TMEM163: variants seen among roughly 807,000 people sequenced by gnomAD.
The protein encoded by TMEM163 is transmembrane protein 163.
In TMEM163, 17 loss-of-function variants were observed where a neutral mutation model predicts 29.3. The ratio of observed to expected loss-of-function variants is 0.58; its 90% confidence interval spans 0.40 to 0.87. The LOEUF is 0.87. TMEM163 is among the 40% of genes least tolerant of loss of function. The pLI, the probability that TMEM163 is intolerant of heterozygous loss-of-function variation, is 0.00. For synonymous variants in TMEM163, 157 were observed against 160.6 expected (o/e 0.98, Z 0.17); for missense variants, 303 against 381.5 (o/e 0.79, Z 1.71).
intron 5 of TMEM163, among the ~76,000 whole-genome samples, chr2:134,485,439 G>T (rs148409787): frequency 4.1e-4 from 62 of 152,302 alleles, no homozygotes; most frequent in Admixed American, 1.4e-3. Context: ...ACCATAAGTA[G>T]ATTTAGAAAC....
intron 2 of TMEM163, among the ~76,000 whole-genome samples, chr2:134,709,142 TTC>T (rs1684875270): frequency 6.6e-6 from 1 of 152,208 alleles, no homozygotes; most frequent in Admixed American, 6.5e-5. Context: ...GAAACAGAAC[TTC>T]TGTTCTCTTT....
At chr2:134,679,788 C>T (rs1295049574) in intron 2 of TMEM163, among the ~76,000 whole-genome samples, 1 of 152,122 alleles carries the variant, frequency 6.6e-6, no homozygotes. Flanking sequence ...ACATCCCAGA[C>T]CTTCGTCGCC....
chr2:134,588,808 G>A lies in TMEM163; in HGVS notation c.323-36717C>T, dbSNP rs138882118. Among the ~76,000 whole-genome samples, 461 of 152,250 alleles carry A rather than the reference G, an allele frequency of 3.0e-3. 1 individual carries two copies. The highest frequency in any genetic ancestry group is 6.8e-3 in the Middle Eastern group (2 of 292). ...TTTGATCATGTCAGAATCAAGAAGG[G>A]CTACATGGAAGGATGGCAAGTAAAC... On this transcript the variant is annotated intron_variant, in intron 2 of 7. Transcript: ENST00000281924.
intron 4 of TMEM163, among the ~76,000 whole-genome samples, chr2:134,544,891 GCA>G (rs1377980278): frequency 6.6e-6 from 1 of 152,152 alleles, no homozygotes; most frequent in African/African-American, 2.4e-5. Flanking sequence ...ATATCGCACA[GCA>G]CAGATACAGA....
intron 2 of TMEM163, among the ~76,000 whole-genome samples, chr2:134,680,180 G>A (rs984983359): frequency 1.3e-5 from 2 of 152,092 alleles, no homozygotes; most frequent in Non-Finnish European, 2.9e-5. Flanking sequence ...TCTACATAAT[G>A]TTTTGGAGCA....
At chr2:134,634,748 A>G (rs1395453093) in intron 2 of TMEM163, among the ~76,000 whole-genome samples, 4 of 152,250 alleles carry the variant, frequency 2.6e-5, no homozygotes, top group African/African-American at 9.6e-5. Context: ...GAACTACTCA[A>G]ATCTACCCTT....
chr2:134,552,733 C>T (rs1289037683), intron 2 of TMEM163, among the ~76,000 whole-genome samples: 10 of 145,272 alleles, frequency 6.9e-5, no homozygotes, highest in Non-Finnish European at 1.5e-4. Flanking sequence ...GCTGTCTCGG[C>T]TCACTGCAAC....
chr2:134,479,912 A>T (rs1687009496), intron 5 of TMEM163, among the ~76,000 whole-genome samples: 1 of 152,242 alleles, frequency 6.6e-6, no homozygotes, highest in Non-Finnish European at 1.5e-5. Flanking sequence ...CAATTAGGGG[A>T]GAGCTGACAA....
At chr2:134,631,505 C>T (rs1371629605) in intron 2 of TMEM163, among the ~76,000 whole-genome samples, 1 of 152,094 alleles carries the variant, frequency 6.6e-6, no homozygotes, top group Non-Finnish European at 1.5e-5. Context: ...CTGGGGGGTA[C>T]TGCTGCTCTA....
chr2:134,665,598 C>T (rs1467862652), intron 2 of TMEM163, among the ~76,000 whole-genome samples: 1 of 152,152 alleles, frequency 6.6e-6, no homozygotes, highest in Non-Finnish European at 1.5e-5. Context: ...CCCCTGGAAA[C>T]TCTGATGATG....
At chr2:134,517,577 G>A (rs1242803884) in intron 4 of TMEM163, among the ~76,000 whole-genome samples, 1 of 152,084 alleles carries the variant, frequency 6.6e-6, no homozygotes, top group Admixed American at 6.5e-5. Flanking sequence ...AACTGGAATA[G>A]CAATATTGCT....
chr2:134,692,476 C>G (rs760471881), intron 2 of TMEM163, among the ~76,000 whole-genome samples: 1 of 152,104 alleles, frequency 6.6e-6, no homozygotes, highest in Non-Finnish European at 1.5e-5. Flanking sequence ...GCTTGGGCTG[C>G]CATAACAAAA....
At chr2:134,506,452 G>A (rs1260615356) in intron 4 of TMEM163, among the ~76,000 whole-genome samples, 3 of 152,176 alleles carry the variant, frequency 2.0e-5, no homozygotes, top group Non-Finnish European at 4.4e-5. Context: ...GCCACTCACC[G>A]GACCCAGGTT....
chr2:134,600,069 G>A (rs1326327660), intron 2 of TMEM163, among the ~76,000 whole-genome samples: 1 of 152,060 alleles, frequency 6.6e-6, no homozygotes, highest in Non-Finnish European at 1.5e-5. Flanking sequence ...GTTCCCTTCT[G>A]CATCCCCAGA....
At position 134,674,486 on chromosome 2, in the gene TMEM163, GGCGC is replaced by G. The variant is rs752979552; in HGVS notation, c.322+38710_322+38713del. Among the ~76,000 whole-genome samples, 189 of 91,606 alleles carry G rather than the reference GGCGC, an allele frequency of 2.1e-3. 2 individuals carry two copies. Among genetic ancestry groups the G allele is most frequent in the African/African-American group, 7.3e-3 (141 of 19,368 alleles). The allele number at this position is 91,606 out of a possible 152,430, so 60.1% of individuals were successfully genotyped here. On this transcript the variant is annotated intron_variant, in intron 2 of 7. Coordinates refer to ENST00000281924, the MANE Select transcript of TMEM163 (RefSeq NM_030923.5). ...AGCCTCCCAAGTAGCTGGGACTACA[GGCGC>G]GCGCGCGCGCGCGCGCGCGCTACCA...
intron 2 of TMEM163, among the ~76,000 whole-genome samples, chr2:134,581,805 C>A (rs1284045358): frequency 6.6e-6 from 1 of 152,174 alleles, no homozygotes; most frequent in Non-Finnish European, 1.5e-5. Flanking sequence ...CCAAAGAACA[C>A]AACTTTACAA....
chr2:134,467,278 C>T (rs1162786510), intron 5 of TMEM163: 2 of 152,200 alleles, frequency 1.3e-5, no homozygotes, highest in African/African-American at 2.4e-5. Flanking sequence ...AATCTCCCCA[C>T]CCCATCCCCT....
At chr2:134,586,187 T>C (rs1266431734) in intron 2 of TMEM163, among the ~76,000 whole-genome samples, 2 of 152,236 alleles carry the variant, frequency 1.3e-5, no homozygotes, top group Non-Finnish European at 2.9e-5. Flanking sequence ...CTTTAGTGAT[T>C]CCTTAATCTC....
intron 2 of TMEM163, among the ~76,000 whole-genome samples, chr2:134,673,475 G>C (rs1210520375): frequency 6.6e-6 from 1 of 152,138 alleles, no homozygotes; most frequent in Non-Finnish European, 1.5e-5. Context: ...GCTCCCCAAA[G>C]ATGTTCACAA....
Sources: gnomAD v4.1 joint callset for allele counts (sites outside exome capture counted in the v4.1 genomes callset) on GRCh38, gnomAD v4.1.1 for gene constraint, MANE v1.5 for transcripts, NCBI Gene and HGNC (gene_info 2026-07-23, HGNC 2026-07-21) for gene names.